ZFP90: variants seen among roughly 807,000 people sequenced by gnomAD.
ZFP90 encodes zinc finger protein 90 homolog.
Under a neutral mutation model 60.8 loss-of-function variants are expected in ZFP90, and 38 were observed. The observed-to-expected ratio is 0.62, with a 90% CI of 0.48 to 0.82. The LOEUF is 0.82. Among genes scored for constraint, ZFP90 ranks in the 40% least tolerant of loss-of-function variants. The pLI is 0.00. For missense variants in ZFP90, 711 were observed against 759.1 expected (o/e 0.94, Z 0.74); for synonymous variants, 287 against 264.8 (o/e 1.08, Z -0.82).
At chr16:68,556,574 G>A (rs149777010) in intron 2 of ZFP90, among the ~76,000 whole-genome samples, 71 of 152,326 alleles carry the variant, frequency 4.7e-4, no homozygotes, top group Non-Finnish European at 9.0e-4. Context: ...GGTGCCGGGC[G>A]TTGTTCTGGG....
Position 68,564,277 on chromosome 16 carries a change from A to G in ZFP90, c.1490A>G (p.Tyr497Cys), listed in dbSNP as rs188320818. The G allele has an allele frequency of 1.9e-6, 3 of 1,614,086 alleles. No individual in the cohort carries two copies. The highest frequency in any genetic ancestry group is 1.7e-5 in the Admixed American group (1 of 60,002). Residue 497 changes from tyrosine (Y) to cysteine (C), a missense_variant, in exon 5 of 5, where the codon TAT becomes TGT. Coordinates refer to ENST00000563169, the MANE Select transcript of ZFP90 (RefSeq NM_001305203.2). Reference protein sequence around the residue: ...QAISHPGEKPYQCNVCGKAFK... With the variant: ...QAISHPGEKPCQCNVCGKAFK... ...ATTTCTCATCCTGGAGAGAAACCCT[A>G]TCAATGTAATGTATGTGGGAAAGCT...
intron 4 of ZFP90, chr16:68,562,744 G>A (rs2091456825): frequency 3.6e-6 from 2 of 551,080 alleles, no homozygotes; most frequent in African/African-American, 3.8e-5. Flanking sequence ...GATGGGCTGT[G>A]ATCCTGTTCC....
chr16:68,569,805 CAG>C (rs550007295), downstream of ZFP90, among the ~76,000 whole-genome samples: 8 of 152,236 alleles, frequency 5.3e-5, no homozygotes, highest in African/African-American at 1.9e-4. Context: ...AAAAAGGAAT[CAG>C]AAGATAATTC....
intron 2 of ZFP90, among the ~76,000 whole-genome samples, chr16:68,546,227 T>C (rs906655086): frequency 6.6e-6 from 1 of 152,214 alleles, no homozygotes; most frequent in Non-Finnish European, 1.5e-5. Context: ...ATTAGAGACT[T>C]TTTACCTTTG....
rs1331757043 is a variant in ZFP90 at position 68,563,399 on chromosome 16, T to G, written c.612T>G (p.Ile204Met). ...HNADLLNENNILAKKKPYKCD... is the reference protein window; with the variant it reads ...HNADLLNENNMLAKKKPYKCD... The stretch of plus-strand genomic sequence containing the variant: ...CAGACTTACTTAATGAGAATAATAT[T>G]CTTGCAAAAAAGAAACCCTATAAGT... Residue 204 changes from isoleucine (I) to methionine (M), a missense_variant, in exon 5 of 5, where the codon ATT (isoleucine) becomes ATG (methionine). Ile to Met is a conservative substitution (Grantham distance 10, BLOSUM62 1). Transcript: ENST00000563169. 1 of 1,611,940 alleles carries G rather than the reference T, an allele frequency of 6.2e-7. No individual in the cohort carries two copies. Among genetic ancestry groups the G allele is most frequent in the Non-Finnish European group, 8.5e-7 (1 of 1,179,564 alleles).
chr16:68,563,725 G>A lies in ZFP90; in HGVS notation c.938G>A (p.Ser313Asn), dbSNP rs2091472347. Reference sequence around the variant, plus strand: ...ACCGGAGAGAAACCCTATCAGTGTAGTCTCTGTGGGAAAGCCTTCCAGCGC... The same window carrying A: ...ACCGGAGAGAAACCCTATCAGTGTAATCTCTGTGGGAAAGCCTTCCAGCGC... Reference protein sequence around the residue: ...AHTGEKPYQCSLCGKAFQRSS... With the variant: ...AHTGEKPYQCNLCGKAFQRSS... Residue 313 changes from serine (S) to asparagine (N), a missense_variant, in exon 5 of 5, where the codon AGT becomes AAT. Physicochemically the swap from Ser to Asn is conservative, Grantham distance 46. Transcript: ENST00000563169. 8 of 1,613,404 alleles carry A rather than the reference G, an allele frequency of 5.0e-6. No homozygotes were observed. The highest frequency in any genetic ancestry group is 6.8e-6 in the Non-Finnish European group (8 of 1,179,848).
Position 68,563,467 on chromosome 16 carries a change from C to T in ZFP90, c.680C>T (p.Thr227Ile). The change falls in exon 5 of 5, where the codon ACT becomes ATT. Residue 227 changes from threonine (T) to isoleucine (I), a missense_variant. By Grantham distance (89) the Thr-to-Ile change is moderately conservative. Around this residue, in one of 5 missense-constraint regions of ZFP90, gnomAD observed 241 missense variants for 247.6 expected, o/e 0.97. Transcript: ENST00000563169. ...GCCTTTATTCATAGATCATCGCTTA[C>T]TAAACATGAGAAAACACATAAAGGA... ...RKAFIHRSSLTKHEKTHKGEG... is the reference protein window; with the variant it reads ...RKAFIHRSSLIKHEKTHKGEG... 5.0e-6 allele frequency: 8 copies of T among 1,614,108 alleles called. No individual in the cohort carries two copies. Among genetic ancestry groups the T allele is most frequent in the Non-Finnish European group, 6.8e-6 (8 of 1,180,026 alleles).
In ZFP90 at chr16:68,565,961, TA is replaced by T. The variant is rs58312180; in HGVS notation, c.*1278del. 96,921 of 563,790 alleles carry T rather than the reference TA, an allele frequency of 0.17. 340 individuals are homozygous for T. The highest frequency in any genetic ancestry group is 0.18 in the Non-Finnish European group (82,942 of 450,558). 34.9% of individuals were successfully genotyped at this position (563,790 alleles called of 1,614,324 possible). A position where few individuals can be genotyped will look rare whatever the true frequency, so the allele number is the denominator to read the frequency against. ...ACAACATGGTGAAACCCCATCTCTT[TA>T]AAAAAAAAAAAAAATCCAAAAATTA... On this transcript the variant is annotated 3_prime_UTR_variant, in exon 5 of 5. Coordinates refer to ENST00000563169, the MANE Select transcript of ZFP90 (RefSeq NM_001305203.2).
At position 68,567,068 on chromosome 16, in the gene ZFP90, G is replaced by C; in HGVS notation, c.*2370G>C. 1 of 985,516 alleles carries C rather than the reference G, an allele frequency of 1.0e-6. No individual in the cohort carries two copies. The highest frequency in any genetic ancestry group is 6.1e-5 in the Admixed American group (1 of 16,282). 61.0% of individuals were successfully genotyped at this position (985,516 alleles called of 1,614,324 possible). A position where few individuals can be genotyped will look rare whatever the true frequency, so the allele number is the denominator to read the frequency against. On this transcript the variant is annotated 3_prime_UTR_variant, in exon 5 of 5. Transcript: ENST00000563169. ...ACTTATGGATACCCAGCCTTTTAGG[G>C]CTACGTGAAATGCATCCTTGTAACA...
intron 4 of ZFP90, among the ~76,000 whole-genome samples, chr16:68,559,012 T>C (rs543185286): frequency 8.5e-5 from 13 of 152,278 alleles, no homozygotes; most frequent in African/African-American, 2.9e-4. Context: ...ACCATCTTCC[T>C]TCCATCTCAT....
In ZFP90 at chr16:68,564,532, A is replaced by G. The variant is rs775032693; in HGVS notation, c.1745A>G (p.Glu582Gly). The change falls in exon 5 of 5, where the codon GAA becomes GGA. Residue 582 changes from glutamate to glycine, a missense_variant. Around this residue, in one of 5 missense-constraint regions of ZFP90, gnomAD observed 295 missense variants for 274.0 expected, o/e 1.08. Coordinates refer to ENST00000563169, the MANE Select transcript of ZFP90 (RefSeq NM_001305203.2). ...ACTCATACTGGAGAGAAGCCCTATG[A>G]ATGTAATGAATGTGGGAGAGCCTTC... is the stretch of plus-strand genomic sequence containing the variant. ...ERTHTGEKPY[E>G]CNECGRAFRK... is the part of the protein sequence containing the mutation. The G allele has an allele frequency of 6.2e-7, 1 of 1,614,074 alleles. No homozygotes were observed. The highest frequency in any genetic ancestry group is 8.5e-7 in the Non-Finnish European group (1 of 1,179,942).
chr16:68,540,161 G>T (rs1170442), intron 2 of ZFP90, among the ~76,000 whole-genome samples: 116,352 of 151,844 alleles, frequency 0.77, 44,669 homozygotes, highest in East Asian at 0.82. Context: ...TCACAGGATG[G>T]AACACTGTAG....
chr16:68,543,715 C>T (rs1421513466), intron 2 of ZFP90, among the ~76,000 whole-genome samples: 2 of 151,924 alleles, frequency 1.3e-5, no homozygotes, highest in African/African-American at 4.8e-5. Flanking sequence ...CATGTGTCAC[C>T]ACGCCCAGCT....
At chr16:68,560,436 C>A (rs774007890) in intron 4 of ZFP90, among the ~76,000 whole-genome samples, 45 of 152,182 alleles carry the variant, frequency 3.0e-4, no homozygotes, top group Non-Finnish European at 5.3e-4. Context: ...CAATCATGTT[C>A]TAGCATGTAT....
At chr16:68,552,669 G>A (rs142338295) in intron 2 of ZFP90, among the ~76,000 whole-genome samples, 62 of 152,296 alleles carry the variant, frequency 4.1e-4, no homozygotes, top group African/African-American at 1.2e-3. Flanking sequence ...AAGCCAGAGT[G>A]GGGGCTGTGG....
upstream of ZFP90, among the ~76,000 whole-genome samples, chr16:68,534,297 C>T (rs543688905): frequency 2.7e-5 from 4 of 145,918 alleles, no homozygotes; most frequent in Middle Eastern, 3.8e-3. Flanking sequence ...GGCGTGATCT[C>T]GGCTCACTGC....
downstream of ZFP90, among the ~76,000 whole-genome samples, chr16:68,571,151 G>C (rs1268572739): frequency 2.0e-5 from 3 of 152,202 alleles, no homozygotes; most frequent in African/African-American, 7.2e-5. Context: ...GAATGCTCCG[G>C]GTATCACAGC....
upstream of ZFP90, among the ~76,000 whole-genome samples, chr16:68,535,312 T>C (rs1033676428): frequency 1.3e-5 from 2 of 152,216 alleles, no homozygotes; most frequent in Non-Finnish European, 2.9e-5. Flanking sequence ...GGGAAAGATA[T>C]CCACCAACGC....
chr16:68,568,120 T>A (rs2091548121), downstream of ZFP90, among the ~76,000 whole-genome samples: 1 of 152,208 alleles, frequency 6.6e-6, no homozygotes, highest in African/African-American at 2.4e-5. Flanking sequence ...GTATTTGTGA[T>A]TATTTGGTTT....
Sources: allele counts gnomAD v4.1 joint callset (sites outside exome capture counted in the v4.1 genomes callset), GRCh38; gene constraint gnomAD v4.1.1; regional missense constraint gnomAD v4.1.1; transcripts MANE v1.5; gene names NCBI Gene and HGNC (gene_info 2026-07-23, HGNC 2026-07-21).